Variants in RALGAPA1 observed in about 807,000 individuals in gnomAD.
RALGAPA1 encodes Ral GTPase activating protein catalytic subunit alpha 1.
Under a neutral mutation model 269.6 loss-of-function variants are expected in RALGAPA1, and 52 were observed. The observed-to-expected ratio is 0.19, with a 90% CI of 0.15 to 0.24. RALGAPA1 has a LOEUF of 0.24. Among genes scored for constraint, RALGAPA1 ranks in the 10% least tolerant of loss-of-function variants. The probability of loss-of-function intolerance (pLI) is 1.00; values close to 1 mark genes in which losing one functional copy is unlikely to be tolerated. For synonymous variants in RALGAPA1, 817 were observed against 1,008.3 expected, an observed-to-expected ratio of 0.81 and a Z score of 3.60; for missense variants, 1,917 against 3,013.9, an observed-to-expected ratio of 0.64 and a Z score of 8.52.
chr14:35,584,650 A>G (rs1305381309), intron 37 of RALGAPA1, among the ~76,000 whole-genome samples: 5 of 152,338 alleles, frequency 3.3e-5, no homozygotes, highest in African/African-American at 4.8e-5. Flanking sequence ...CTAAAAAGTT[A>G]AAAAGTTAAA....
chr14:35,760,008 TTA>T (rs2073567736), intron 6 of RALGAPA1, among the ~76,000 whole-genome samples: 1 of 151,848 alleles, frequency 6.6e-6, no homozygotes, highest in Admixed American at 6.6e-5. Flanking sequence ...ATTACTGAAA[TTA>T]TACATTTTTA....
At chr14:35,801,910 T>C (rs893354277) in intron 1 of RALGAPA1, among the ~76,000 whole-genome samples, 1 of 152,156 alleles carries the variant, frequency 6.6e-6, no homozygotes, top group Non-Finnish European at 1.5e-5. Flanking sequence ...GTCACTTCAG[T>C]AAGGCAAGAA....
intron 37 of RALGAPA1, among the ~76,000 whole-genome samples, chr14:35,593,882 T>C (rs535907839): frequency 6.6e-6 from 1 of 151,472 alleles, no homozygotes; most frequent in Non-Finnish European, 1.5e-5. Context: ...TATTATATTA[T>C]ATTATATTAC....
intron 12 of RALGAPA1, among the ~76,000 whole-genome samples, chr14:35,731,913 C>G (rs2070511077): frequency 6.6e-6 from 1 of 152,142 alleles, no homozygotes. Context: ...GCAAAAAGAT[C>G]ATCACCTAGG....
intron 14 of RALGAPA1, 131 bp from the exon 15 acceptor site, chr14:35,723,395 A>G: frequency 3.6e-6 from 2 of 562,784 alleles, no homozygotes; most frequent in African/African-American, 1.9e-5. Context: ...TTTAATAGAT[A>G]ATACTACTTG....
intron 4 of RALGAPA1, among the ~76,000 whole-genome samples, chr14:35,763,793 T>TATAG (rs1491354430): frequency 1.4e-5 from 2 of 143,672 alleles, no homozygotes; most frequent in African/African-American, 5.2e-5. Context: ...TATATATATA[T>TATAG]AGAGAGAGAG....
In RALGAPA1 at chr14:35,684,328, T is replaced by C. The variant is rs2065731368; in HGVS notation, c.4295-343A>G. On this transcript the variant is annotated intron_variant, in intron 20 of 41. Transcript: ENST00000680220. Reference sequence around the variant, plus strand: ...TAGCTGAATAACTAAGTGGTAATAATATAGCACCAAATAATATTACTGATG... The same window carrying C: ...TAGCTGAATAACTAAGTGGTAATAACATAGCACCAAATAATATTACTGATG... Among the ~76,000 whole-genome samples, 5 of 152,190 alleles carry C rather than the reference T, an allele frequency of 3.3e-5. No individual in the cohort carries two copies. In the South Asian group the frequency reaches 1.0e-3, roughly 32 times the overall value.
At chr14:35,784,113 AG>A (rs2075640647) in intron 1 of RALGAPA1, among the ~76,000 whole-genome samples, 2 of 151,688 alleles carry the variant, frequency 1.3e-5, no homozygotes, top group African/African-American at 4.9e-5. Context: ...ACATGGCAAA[AG>A]TGTCTCATCT....
chr14:35,694,510 G>A (rs1199690551), intron 17 of RALGAPA1, among the ~76,000 whole-genome samples: 1 of 152,064 alleles, frequency 6.6e-6, no homozygotes, highest in Non-Finnish European at 1.5e-5. Context: ...CAATTTGCAG[G>A]TAATTCAAAG....
intron 18 of RALGAPA1, 81 bp downstream of exon 18, chr14:35,688,378 G>T: frequency 6.7e-7 from 1 of 1,486,962 alleles, no homozygotes; most frequent in Non-Finnish European, 9.1e-7. Context: ...CTTTTTGATT[G>T]CTTATAGCTT....
rs570536827 is a variant in RALGAPA1 at position 35,662,266 on chromosome 14, G to A, written c.5328+2376C>T. On this transcript the variant is annotated intron_variant, in intron 27 of 41. Coordinates refer to ENST00000680220, the MANE Select transcript of RALGAPA1 (RefSeq NM_001346249.2). ...GGGTGATAAAGAGAGGCAAGAAGAG[G>A]AGAGCAGAATTATACATACATGACA... Among the ~76,000 whole-genome samples, 140 of 152,280 alleles carry A rather than the reference G, an allele frequency of 9.2e-4. No homozygotes were observed. The South Asian group carries it at 0.013, about 14-fold the overall frequency.
chr14:35,560,323 A>T (rs1403613390), intron 39 of RALGAPA1, among the ~76,000 whole-genome samples: 1 of 152,098 alleles, frequency 6.6e-6, no homozygotes, highest in African/African-American at 2.4e-5. Flanking sequence ...CCTTTATATC[A>T]TCCAGCAGTA....
In RALGAPA1 at chr14:35,792,708, G is replaced by A. The variant is rs187727328; in HGVS notation, c.106+16022C>T. On this transcript the variant is annotated intron_variant, in intron 1 of 41. Coordinates refer to ENST00000680220, the MANE Select transcript of RALGAPA1 (RefSeq NM_001346249.2). The stretch of plus-strand genomic sequence containing the variant: ...TGAGACATAAGAATTGCTTGAACCC[G>A]GCAAGTAGAGGTTGCAGTGAGCTCG... 3.2e-3 allele frequency among the ~76,000 whole-genome samples: 477 copies of A among 150,850 alleles called. 2 individuals carry two copies. The highest frequency in any genetic ancestry group is 5.8e-3 in the Non-Finnish European group (395 of 67,744).
At chr14:35,764,422 G>C (rs1212137596) in intron 4 of RALGAPA1, among the ~76,000 whole-genome samples, 2 of 151,808 alleles carry the variant, frequency 1.3e-5, no homozygotes, top group African/African-American at 4.8e-5. Context: ...AGTTCCTTCT[G>C]TATTACTAAT....
intron 39 of RALGAPA1, 128 bp from the exon 40 acceptor site, chr14:35,549,362 T>C: frequency 1.1e-6 from 1 of 946,952 alleles, no homozygotes; most frequent in Non-Finnish European, 1.5e-6. Context: ...TAATTATTCT[T>C]ATATATTGTT....
chr14:35,681,524 A>T (rs2065441309), intron 21 of RALGAPA1, among the ~76,000 whole-genome samples: 2 of 152,354 alleles, frequency 1.3e-5, no homozygotes, highest in Non-Finnish European at 2.9e-5. Flanking sequence ...TATTTTTGAT[A>T]ACTACAGAGA....
At chr14:35,613,130 G>A (rs2139347649) in intron 35 of RALGAPA1, among the ~76,000 whole-genome samples, 1 of 150,256 alleles carries the variant, frequency 6.7e-6, no homozygotes, top group Admixed American at 6.6e-5. Context: ...CATCCAGGCT[G>A]GAGGGCAGTG....
At chr14:35,808,671 C>T in intron 1 of RALGAPA1, 59 bp downstream of exon 1, 1 of 1,551,688 alleles carries the variant, frequency 6.4e-7, no homozygotes, top group East Asian at 2.4e-5. Context: ...CGCAGGGGCT[C>T]CCAGGAGAGG....
At chr14:35,752,847 A>G (rs1234064395) in intron 7 of RALGAPA1, among the ~76,000 whole-genome samples, 2 of 152,204 alleles carry the variant, frequency 1.3e-5, no homozygotes, top group Admixed American at 6.6e-5. Flanking sequence ...GACTGATTAA[A>G]TAAGTATATA....
Sources: allele counts gnomAD v4.1 joint callset (sites outside exome capture counted in the v4.1 genomes callset), GRCh38; gene constraint gnomAD v4.1.1; transcripts MANE v1.5; gene names NCBI Gene and HGNC (gene_info 2026-07-23, HGNC 2026-07-21).